PPP1R16B: variants seen among roughly 807,000 people sequenced by gnomAD.
PPP1R16B encodes the protein protein phosphatase 1 regulatory subunit 16B.
A neutral mutation model predicts 61.7 loss-of-function variants in PPP1R16B; 14 were observed. The observed-to-expected ratio is 0.23, with a 90% CI of 0.15 to 0.35. The LOEUF is 0.35. PPP1R16B is among the 10% of genes least tolerant of loss of function. The pLI, the probability that PPP1R16B is intolerant of heterozygous loss-of-function variation, is 1.00. For synonymous variants in PPP1R16B, 266 were observed against 305.3 expected (o/e 0.87, Z 1.34); for missense variants, 547 against 752.5 (o/e 0.73, Z 3.19).
At chr20:38,858,362 A>G (rs1168545174) in intron 2 of PPP1R16B, among the ~76,000 whole-genome samples, 1 of 151,606 alleles carries the variant, frequency 6.6e-6, no homozygotes, top group Non-Finnish European at 1.5e-5. Context: ...TCCTGGGTGG[A>G]CACAAAGGCC....
chr20:38,818,222 G>A lies in PPP1R16B; in HGVS notation c.-102+12430G>A, dbSNP rs375475970. ...CCTTTTACTAATATATCCAGTGGGG[G>A]TAATGATGCCTGTTTCTAAGACTCA... On this transcript the variant is annotated intron_variant, in intron 1 of 10. Coordinates refer to ENST00000299824, the MANE Select transcript of PPP1R16B (RefSeq NM_015568.4). Among the ~76,000 whole-genome samples the A allele has an allele frequency of 1.2e-4, 19 of 152,336 alleles. 1 individual carries two copies. In the South Asian group the frequency reaches 3.7e-3, roughly 30 times the overall value.
chr20:38,828,918 G>GT (rs1488432046), intron 1 of PPP1R16B, among the ~76,000 whole-genome samples: 8 of 152,196 alleles, frequency 5.3e-5, no homozygotes, highest in Non-Finnish European at 1.2e-4. Context: ...AGTGTGAGGA[G>GT]TTCTGTAGTA....
At chr20:38,901,256 C>T (rs1160828731) in intron 5 of PPP1R16B, among the ~76,000 whole-genome samples, 2 of 152,196 alleles carry the variant, frequency 1.3e-5, no homozygotes, top group African/African-American at 4.8e-5. Flanking sequence ...CAGCTGCAGT[C>T]CTGCCCTGGC....
chr20:38,867,208 T>C (rs944226076), intron 2 of PPP1R16B, among the ~76,000 whole-genome samples: 1 of 152,134 alleles, frequency 6.6e-6, no homozygotes, highest in African/African-American at 2.4e-5. Context: ...TAAAGCGATG[T>C]CCCCAAAGGG....
At chr20:38,833,556 G>A (rs533115882) in intron 1 of PPP1R16B, among the ~76,000 whole-genome samples, 4 of 152,292 alleles carry the variant, frequency 2.6e-5, no homozygotes, top group South Asian at 2.1e-4. Flanking sequence ...TATTTGTTAC[G>A]CTCCCTGTGA....
chr20:38,865,787 G>A (rs2085086704), intron 2 of PPP1R16B, among the ~76,000 whole-genome samples: 1 of 152,172 alleles, frequency 6.6e-6, no homozygotes, highest in Non-Finnish European at 1.5e-5. Context: ...CCCCTGCAGA[G>A]CCTGCCTCTG....
chr20:38,902,358 G>C lies in PPP1R16B; in HGVS notation c.572-310G>C, dbSNP rs180970664. Among the ~76,000 whole-genome samples, 375 of 152,332 alleles carry C rather than the reference G, an allele frequency of 2.5e-3. 1 individual carries two copies. The highest frequency in any genetic ancestry group is 7.7e-3 in the African/African-American group (320 of 41,576). ...AGTCCAGGACCTAAAGAATAAGACA[G>C]AGGCAGCCATCTGAGCAGTTGGAGG... is the stretch of plus-strand genomic sequence containing the variant. On this transcript the variant is annotated intron_variant, in intron 5 of 10. Transcript: ENST00000299824.
chr20:38,873,255 T>G (rs2145746520), intron 2 of PPP1R16B, among the ~76,000 whole-genome samples: 1 of 152,230 alleles, frequency 6.6e-6, no homozygotes, highest in East Asian at 1.9e-4. Flanking sequence ...TTTCCCTGGT[T>G]AACGGAAACT....
chr20:38,911,255 C>T (rs1471551848), intron 10 of PPP1R16B, among the ~76,000 whole-genome samples: 5 of 150,290 alleles, frequency 3.3e-5, no homozygotes, highest in Non-Finnish European at 7.4e-5. Flanking sequence ...CAACCTCCAT[C>T]TCCCGGGTTC....
At chr20:38,810,824 A>G (rs1429011176) in intron 1 of PPP1R16B, among the ~76,000 whole-genome samples, 9 of 152,220 alleles carry the variant, frequency 5.9e-5, no homozygotes, top group African/African-American at 1.9e-4. Context: ...GCTAAAGGGC[A>G]TGCAGCTTGT....
chr20:38,896,763 T>C (rs1238246880), intron 4 of PPP1R16B, among the ~76,000 whole-genome samples: 1 of 152,184 alleles, frequency 6.6e-6, no homozygotes, highest in Non-Finnish European at 1.5e-5. Context: ...CAAACAGTAA[T>C]TCCCATTCCC....
chr20:38,874,856 G>A (rs1387019033), intron 2 of PPP1R16B, among the ~76,000 whole-genome samples: 3 of 152,176 alleles, frequency 2.0e-5, no homozygotes, highest in Admixed American at 2.0e-4. Flanking sequence ...AACTCACTGT[G>A]CCTCAGTATC....
intron 2 of PPP1R16B, among the ~76,000 whole-genome samples, chr20:38,850,482 A>G (rs1187531405): frequency 6.6e-6 from 1 of 152,250 alleles, no homozygotes; most frequent in Non-Finnish European, 1.5e-5. Flanking sequence ...CATAATTGCA[A>G]TAAGGATTTG....
chr20:38,903,205 A>T (rs984178513), intron 6 of PPP1R16B, among the ~76,000 whole-genome samples: 3 of 152,110 alleles, frequency 2.0e-5, no homozygotes, highest in Non-Finnish European at 2.9e-5. Flanking sequence ...TGGGTCGGAG[A>T]CCTGGCTCCC....
chr20:38,893,859 G>T (rs2085311357), intron 3 of PPP1R16B, among the ~76,000 whole-genome samples: 1 of 152,072 alleles, frequency 6.6e-6, no homozygotes, highest in Non-Finnish European at 1.5e-5. Flanking sequence ...GTTTCCTGCG[G>T]TCTCTAGGGG....
rs774502081 is a variant in PPP1R16B, at chr20:38,835,946, G to A, written c.21G>A (p.Leu7=). MASHVD[L]LTELQLLEKV... is the part of the protein sequence containing the mutation. ...TGGCCATGGCCAGTCACGTGGACCT[G>A]CTGACGGAGCTGCAGCTGCTGGAGA... is the stretch of plus-strand genomic sequence containing the variant. The change falls in exon 2 of 11, where the codon CTG becomes CTA. Residue 7 remains leucine (L), a synonymous_variant. Transcript: ENST00000299824. The A allele has an allele frequency of 4.5e-6, 7 of 1,543,286 alleles. No individual in the cohort carries two copies. The highest frequency in any genetic ancestry group is 4.4e-6 in the Non-Finnish European group (5 of 1,146,016).
chr20:38,808,532 G>A (rs1238239931), intron 1 of PPP1R16B, among the ~76,000 whole-genome samples: 3 of 152,180 alleles, frequency 2.0e-5, no homozygotes, highest in Non-Finnish European at 2.9e-5. Context: ...GGACAAGCCT[G>A]CCTCTTACAG....
intron 1 of PPP1R16B, among the ~76,000 whole-genome samples, chr20:38,815,578 G>C (rs6071589): frequency 6.6e-6 from 1 of 151,978 alleles, no homozygotes; most frequent in Non-Finnish European, 1.5e-5. Flanking sequence ...TTGCTAACCT[G>C]TTCTCCAAAG....
chr20:38,806,939 C>T lies in PPP1R16B; in HGVS notation c.-102+1147C>T, dbSNP rs2084666272. Reference sequence around the variant, plus strand: ...GCGCTTCTAGGAACCGAAAACCGAGCTGCCTGCGCGCCCATGTGATTGCAT... The same window carrying T: ...GCGCTTCTAGGAACCGAAAACCGAGTTGCCTGCGCGCCCATGTGATTGCAT... On this transcript the variant is annotated intron_variant, in intron 1 of 10. Coordinates refer to ENST00000299824, the MANE Select transcript of PPP1R16B (RefSeq NM_015568.4). This position sits in a 1 kb window ranked among gnomAD's most constrained non-coding sequence, Gnocchi z 4.5. Among the ~76,000 whole-genome samples the T allele has an allele frequency of 6.6e-6, 1 of 152,328 alleles. No homozygotes were observed. The highest frequency in any genetic ancestry group is 1.5e-5 in the Non-Finnish European group (1 of 68,022).
Sources: allele counts gnomAD v4.1 joint callset (sites outside exome capture counted in the v4.1 genomes callset), GRCh38; gene constraint gnomAD v4.1.1; non-coding constraint Gnocchi (gnomAD v3.1); transcripts MANE v1.5; gene names NCBI Gene and HGNC (gene_info 2026-07-23, HGNC 2026-07-21).